Variants in GLIS3 observed in about 807,000 individuals in gnomAD.
The protein encoded by GLIS3 is GLIS family zinc finger 3.
A neutral mutation model predicts 78.6 loss-of-function variants in GLIS3; 53 were observed. The observed-to-expected ratio is 0.67, with a 90% confidence interval of 0.54 to 0.85. The LOEUF (loss-of-function observed/expected upper bound fraction) is 0.85. Among genes scored for constraint, GLIS3 ranks in the 40% least tolerant of loss-of-function variants. GLIS3 has a pLI of 0.00. For missense variants in GLIS3, 1,703 were observed against 1,231.1 expected, an observed-to-expected ratio of 1.38 and a Z score of -5.74; for synonymous variants, 684 against 509.9, an observed-to-expected ratio of 1.34 and a Z score of -4.60.
intron 4 of GLIS3, among the ~76,000 whole-genome samples, chr9:3,982,544 C>G (rs1333896585): frequency 6.6e-6 from 1 of 152,158 alleles, no homozygotes; most frequent in African/African-American, 2.4e-5. Context: ...TCTTCTTTTT[C>G]TTGTTGACAA....
At chr9:4,036,314 C>T (rs1824302349) in intron 4 of GLIS3, among the ~76,000 whole-genome samples, 1 of 151,976 alleles carries the variant, frequency 6.6e-6, no homozygotes. Flanking sequence ...TAATTTCAAT[C>T]CTCTCTAATC....
intron 2 of GLIS3, among the ~76,000 whole-genome samples, chr9:4,256,144 C>T (rs145986812): frequency 6.6e-6 from 1 of 151,984 alleles, no homozygotes; most frequent in Non-Finnish European, 1.5e-5. Context: ...GACACTGGAA[C>T]AGATGAGCGA....
chr9:4,451,289 G>A, the GLIS3 span, among the ~76,000 whole-genome samples: 1 of 152,298 alleles, frequency 6.6e-6, no homozygotes, highest in East Asian at 1.9e-4. Flanking sequence ...AATTCAATAA[G>A]AAGAGCTAAC....
chr9:4,111,778 T>C (rs1419550441), intron 4 of GLIS3, among the ~76,000 whole-genome samples: 2 of 152,252 alleles, frequency 1.3e-5, no homozygotes, highest in Non-Finnish European at 2.9e-5. Context: ...TTGCTTTTAA[T>C]ATCTGACAGA....
chr9:4,176,203 C>T (rs551410001), intron 2 of GLIS3, among the ~76,000 whole-genome samples: 1 of 152,276 alleles, frequency 6.6e-6, no homozygotes, highest in Admixed American at 6.5e-5. Flanking sequence ...GAGAAAAAAA[C>T]TCATTTCTCC....
chr9:4,231,864 T>C (rs1224105835), intron 2 of GLIS3, among the ~76,000 whole-genome samples: 2 of 152,208 alleles, frequency 1.3e-5, no homozygotes, highest in East Asian at 1.9e-4. Context: ...ATGAACTTAA[T>C]GGAAGGCCTG....
At chr9:4,127,291 C>T (rs1316450406) in intron 2 of GLIS3, among the ~76,000 whole-genome samples, 11 of 152,152 alleles carry the variant, frequency 7.2e-5, no homozygotes, top group Non-Finnish European at 1.6e-4. Context: ...TTTTATGACA[C>T]CTGTGTGCTT....
At chr9:4,126,466 T>C (rs1832591804) in intron 2 of GLIS3, among the ~76,000 whole-genome samples, 1 of 143,390 alleles carries the variant, frequency 7.0e-6, no homozygotes, top group Non-Finnish European at 1.6e-5. Context: ...CACATTGTCA[T>C]TGGACATCTA....
chr9:4,417,074 T>C, the GLIS3 span, among the ~76,000 whole-genome samples: 2 of 152,070 alleles, frequency 1.3e-5, no homozygotes, highest in African/African-American at 4.8e-5. Flanking sequence ...GAGTTTAGAG[T>C]TTATCACTGG....
At chr9:4,380,015 A>G in the GLIS3 span, among the ~76,000 whole-genome samples, 1 of 152,140 alleles carries the variant, frequency 6.6e-6, no homozygotes, top group South Asian at 2.1e-4. Context: ...GTAACTAGTT[A>G]TGTTACCATC....
chr9:4,412,249 C>T, the GLIS3 span, among the ~76,000 whole-genome samples: 6 of 152,136 alleles, frequency 3.9e-5, no homozygotes, highest in South Asian at 2.1e-4. Flanking sequence ...AATTAAGTTG[C>T]GAGAGGTGAA....
At chr9:4,257,772 A>G (rs926551054) in intron 2 of GLIS3, among the ~76,000 whole-genome samples, 1 of 151,854 alleles carries the variant, frequency 6.6e-6, no homozygotes, top group East Asian at 1.9e-4. Context: ...ATGGGGTTTC[A>G]CTGTGTTAGC....
chr9:4,432,140 A>C, the GLIS3 span, among the ~76,000 whole-genome samples: 1 of 152,330 alleles, frequency 6.6e-6, no homozygotes, highest in East Asian at 1.9e-4. Context: ...TCTGAAATGC[A>C]TGCCTATCCC....
intron 6 of GLIS3, among the ~76,000 whole-genome samples, chr9:3,924,569 C>T (rs1457909450): frequency 6.6e-6 from 1 of 152,122 alleles, no homozygotes; most frequent in Non-Finnish European, 1.5e-5. Flanking sequence ...TGAAGTCACC[C>T]TGAAAACAAA....
At chr9:3,918,853 C>T (rs1363132147) in intron 6 of GLIS3, among the ~76,000 whole-genome samples, 1 of 152,208 alleles carries the variant, frequency 6.6e-6, no homozygotes, top group Non-Finnish European at 1.5e-5. Context: ...CAATTTCAAC[C>T]AATTCAGCTA....
intron 2 of GLIS3, among the ~76,000 whole-genome samples, chr9:4,182,945 G>C (rs996928416): frequency 6.6e-6 from 1 of 152,132 alleles, no homozygotes; most frequent in Non-Finnish European, 1.5e-5. Flanking sequence ...CTTGCCAAAG[G>C]ACATACAAAA....
In GLIS3 at chr9:4,278,885, A is replaced by G. The variant is rs571031396; in HGVS notation, c.388+7153T>C. Among the ~76,000 whole-genome samples, 10 of 152,366 alleles carry G rather than the reference A, an allele frequency of 6.6e-5. No individual in the cohort carries two copies. In the South Asian group the frequency reaches 1.7e-3, roughly 25 times the overall value. ...ATTCAGTGCTTCTGGGTATAATGCA[A>G]TGTGTGGTACACAAATCACCTTCAT... On this transcript the variant is annotated intron_variant, in intron 2 of 10. Transcript: ENST00000381971.
chr9:4,038,053 C>A (rs545621016), intron 4 of GLIS3, among the ~76,000 whole-genome samples: 1 of 152,096 alleles, frequency 6.6e-6, no homozygotes, highest in Non-Finnish European at 1.5e-5. Context: ...TTAAGTGGAA[C>A]TTTAATGAGG....
intron 1 of GLIS3, among the ~76,000 whole-genome samples, chr9:4,298,006 C>T (rs1816722209): frequency 6.6e-6 from 1 of 152,162 alleles, no homozygotes; most frequent in Admixed American, 6.5e-5. Context: ...CCCGTCACTC[C>T]CCCGCCGCCT....
Sources: gnomAD v4.1 joint callset for allele counts (sites outside exome capture counted in the v4.1 genomes callset) on GRCh38, gnomAD v4.1.1 for gene constraint, MANE v1.5 for transcripts, NCBI Gene and HGNC (gene_info 2026-07-23, HGNC 2026-07-21) for gene names.